TOMM20: variants seen among roughly 807,000 people sequenced by gnomAD.
TOMM20 encodes the protein translocase of outer mitochondrial membrane 20, also known as mitochondrial import receptor subunit TOM20 homolog.
Under a neutral mutation model 22.1 loss-of-function variants are expected in TOMM20, and 10 were observed. That is an observed-to-expected ratio of 0.45 (90% CI 0.28 to 0.77). The LOEUF is 0.77. Among genes scored for constraint, TOMM20 ranks in the 30% least tolerant of loss-of-function variants. TOMM20 has a pLI of 0.13. For synonymous variants in TOMM20, 55 were observed against 61.4 expected, an observed-to-expected ratio of 0.90 and a Z score of 0.49; for missense variants, 121 against 172.2, an observed-to-expected ratio of 0.70 and a Z score of 1.66.
chr1:235,121,091 C>A (rs187804079), intron 2 of TOMM20, among the ~76,000 whole-genome samples: 2 of 150,974 alleles, frequency 1.3e-5, no homozygotes, highest in Non-Finnish European at 2.9e-5. Flanking sequence ...CCCAGCTGCT[C>A]GGGAGGCTGA....
rs771030402 is a variant in TOMM20 at position 235,128,695 on chromosome 1, G to A, written c.21C>T (p.Ala7=). ...GGGCCCCGCATACACCGGCGGCGAT[G>A]GCGCTGTTCCGACCCACCATCTTCT... is the stretch of plus-strand genomic sequence containing the variant. MVGRNS[A]IAAGVCGALF... is the part of the protein sequence containing the mutation. The change falls in exon 1 of 5, where the codon GCC becomes GCT. Residue 7 remains alanine (A), a synonymous_variant. Coordinates refer to ENST00000366607, the MANE Select transcript of TOMM20 (RefSeq NM_014765.3). The A allele has an allele frequency of 1.2e-6, 2 of 1,614,080 alleles. No individual in the cohort carries two copies. The highest frequency in any genetic ancestry group is 3.3e-5 in the Admixed American group (2 of 60,032).
intron 1 of TOMM20, among the ~76,000 whole-genome samples, chr1:235,127,404 T>G (rs1035801117): frequency 2.6e-5 from 4 of 152,234 alleles, no homozygotes; most frequent in African/African-American, 9.6e-5. Context: ...TTAGTCTGCC[T>G]AGTCATAAAT....
At chr1:235,123,103 G>A (rs1330639593) in intron 1 of TOMM20, among the ~76,000 whole-genome samples, 1 of 152,152 alleles carries the variant, frequency 6.6e-6, no homozygotes, top group African/African-American at 2.4e-5. Flanking sequence ...AACCTTACAG[G>A]ACTACAGTGA....
chr1:235,127,688 T>C, intron 1 of TOMM20: 1 of 368,454 alleles, frequency 2.7e-6, no homozygotes, highest in Non-Finnish European at 5.4e-6. Context: ...CCAAAAAATA[T>C]TTCTTATTGC....
intron 1 of TOMM20, among the ~76,000 whole-genome samples, chr1:235,126,981 A>G (rs1661035367): frequency 6.6e-6 from 1 of 152,250 alleles, no homozygotes; most frequent in Non-Finnish European, 1.5e-5. Context: ...TAAATCCAGA[A>G]AAAACAATTT....
chr1:235,116,491 T>C (rs1263095268), intron 3 of TOMM20, among the ~76,000 whole-genome samples: 1 of 150,230 alleles, frequency 6.7e-6, no homozygotes, highest in African/African-American at 2.5e-5. Context: ...GTGAGCAAGA[T>C]CATGCCACTG....
intron 3 of TOMM20, among the ~76,000 whole-genome samples, chr1:235,116,906 C>G (rs28565332): frequency 6.6e-6 from 1 of 151,850 alleles, no homozygotes; most frequent in Non-Finnish European, 1.5e-5. Flanking sequence ...GAGGCCAAGG[C>G]GGGCGGATCA....
chr1:235,121,040 A>G (rs1260092799), intron 2 of TOMM20, among the ~76,000 whole-genome samples: 1 of 152,018 alleles, frequency 6.6e-6, no homozygotes, highest in Non-Finnish European at 1.5e-5. Flanking sequence ...TCTCTACTAA[A>G]ATACAAAAAT....
chr1:235,116,417 T>C (rs1421276423), intron 3 of TOMM20, among the ~76,000 whole-genome samples: 1 of 152,006 alleles, frequency 6.6e-6, no homozygotes, highest in Non-Finnish European at 1.5e-5. Context: ...CACGTGCCTG[T>C]AGTCCCAGCT....
intron 3 of TOMM20, among the ~76,000 whole-genome samples, chr1:235,115,552 G>A (rs892903455): frequency 1.1e-4 from 16 of 152,048 alleles, no homozygotes; most frequent in East Asian, 3.9e-4. Flanking sequence ...GCTTGAACCC[G>A]GGAGGCGAAG....
chr1:235,113,942 T>G, intron 3 of TOMM20, 32 bp from the exon 4 acceptor site: 1 of 1,537,654 alleles, frequency 6.5e-7, no homozygotes, highest in Non-Finnish European at 8.8e-7. Flanking sequence ...ACATGTAACC[T>G]GAAAAGCCTT....
intron 3 of TOMM20, among the ~76,000 whole-genome samples, chr1:235,115,198 C>A (rs899642512): frequency 6.6e-6 from 1 of 152,130 alleles, no homozygotes; most frequent in Non-Finnish European, 1.5e-5. Flanking sequence ...TTAAATCAAA[C>A]TCCAAAAACT....
chr1:235,110,590 G>A lies in TOMM20; in HGVS notation c.*1474C>T, dbSNP rs1332669604. The A allele has an allele frequency of 6.6e-6, 1 of 152,202 alleles. No individual in the cohort carries two copies. Among genetic ancestry groups the A allele is most frequent in the Non-Finnish European group, 1.5e-5 (1 of 68,058 alleles). 9.4% of individuals were successfully genotyped at this position (152,202 alleles called of 1,614,324 possible). On this transcript the variant is annotated 3_prime_UTR_variant, in exon 5 of 5. Transcript: ENST00000366607. ...ATGTGAGTCGCCTAGTCTAACAGTA[G>A]AGGTAAGTTCAAAGATGAAATGTGA...
At position 235,110,454 on chromosome 1, in the gene TOMM20, T is replaced by C. The variant is rs1660720890; in HGVS notation, c.*1610A>G. The C allele has an allele frequency of 6.6e-6, 1 of 152,222 alleles. No individual in the cohort carries two copies. 9.4% of individuals were successfully genotyped at this position (152,222 alleles called of 1,614,324 possible). A position where few individuals can be genotyped will look rare whatever the true frequency, so the allele number is the denominator to read the frequency against. ...TTGGGATCCCACTAGTAAAACTAAC[T>C]GGCATGTCTGTACTGGTCATCCCCC... On this transcript the variant is annotated 3_prime_UTR_variant, in exon 5 of 5. Coordinates refer to ENST00000366607, the MANE Select transcript of TOMM20 (RefSeq NM_014765.3).
intron 2 of TOMM20, among the ~76,000 whole-genome samples, chr1:235,121,502 G>C (rs995480385): frequency 1.3e-5 from 2 of 152,318 alleles, no homozygotes; most frequent in African/African-American, 2.4e-5. Flanking sequence ...CTAGAACGAA[G>C]TAGTTTCCTC....
At chr1:235,118,605 G>A (rs555199428) in intron 3 of TOMM20, among the ~76,000 whole-genome samples, 2 of 152,190 alleles carry the variant, frequency 1.3e-5, no homozygotes, top group African/African-American at 2.4e-5. Context: ...CAGCTCACTA[G>A]AGCCTCAAAC....
chr1:235,117,037 A>C (rs1660844660), intron 3 of TOMM20, among the ~76,000 whole-genome samples: 1 of 141,432 alleles, frequency 7.1e-6, no homozygotes, highest in Non-Finnish European at 1.5e-5. Flanking sequence ...CGGGAGGCTG[A>C]GGCAGGAGGA....
intron 2 of TOMM20, among the ~76,000 whole-genome samples, chr1:235,122,019 A>C (rs529578508): frequency 6.6e-6 from 1 of 152,346 alleles, no homozygotes; most frequent in East Asian, 1.9e-4. Context: ...ATTTTGAAGC[A>C]GCTGATTAGG....
At chr1:235,128,107 G>A (rs899978685) in intron 1 of TOMM20, among the ~76,000 whole-genome samples, 1 of 152,146 alleles carries the variant, frequency 6.6e-6, no homozygotes, top group Non-Finnish European at 1.5e-5. Flanking sequence ...TCGGGAGGCG[G>A]AGGTTGCAGT....
Sources: allele counts gnomAD v4.1 joint callset (sites outside exome capture counted in the v4.1 genomes callset), GRCh38; gene constraint gnomAD v4.1.1; transcripts MANE v1.5; gene names NCBI Gene and HGNC (gene_info 2026-07-23, HGNC 2026-07-21).